The following MAGI2 variants were observed in gnomAD, a reference collection of about 807,000 sequenced individuals.
MAGI2 encodes the protein membrane associated guanylate kinase, WW and PDZ domain containing 2.
A neutral mutation model predicts 133.3 loss-of-function variants in MAGI2; 35 were observed. The observed-to-expected ratio is 0.26, with a 90% CI of 0.20 to 0.35. MAGI2 has a LOEUF of 0.35. Ranked by LOEUF, MAGI2 falls within the 10% of genes least tolerant of loss-of-function variation. The pLI is 1.00. For missense variants in MAGI2, 1,636 were observed against 1,863.4 expected, an observed-to-expected ratio of 0.88 and a Z score of 2.25; for synonymous variants, 729 against 710.6, an observed-to-expected ratio of 1.03 and a Z score of -0.41.
At chr7:78,064,507 G>A (rs532438721) in intron 21 of MAGI2, among the ~76,000 whole-genome samples, 1 of 152,234 alleles carries the variant, frequency 6.6e-6, no homozygotes, top group East Asian at 1.9e-4. Context: ...ATTAACAATT[G>A]GAAAATATGT....
intron 9 of MAGI2, among the ~76,000 whole-genome samples, chr7:78,299,856 AAATT>A (rs1486832131): frequency 2.0e-5 from 3 of 152,146 alleles, no homozygotes; most frequent in African/African-American, 7.2e-5. Context: ...AAAATGGCAA[AAATT>A]AATTTAATAC....
intron 6 of MAGI2, among the ~76,000 whole-genome samples, chr7:78,381,336 A>G (rs979810058): frequency 4.0e-5 from 6 of 148,780 alleles, no homozygotes; most frequent in Non-Finnish European, 7.5e-5. Context: ...GACATATAAG[A>G]CTCTGTCTCA....
chr7:78,649,395 T>C (rs1313102289), intron 2 of MAGI2, among the ~76,000 whole-genome samples: 3 of 151,994 alleles, frequency 2.0e-5, no homozygotes, highest in Admixed American at 6.6e-5. Context: ...AGAATTGCTT[T>C]TGGATTCAGT....
chr7:78,790,901 T>A (rs1201289514), intron 2 of MAGI2, among the ~76,000 whole-genome samples: 1 of 152,208 alleles, frequency 6.6e-6, no homozygotes, highest in Non-Finnish European at 1.5e-5. Flanking sequence ...AGGAATAAAG[T>A]GACTTGCCCA....
At chr7:78,665,542 CT>C (rs1813463049) in intron 2 of MAGI2, among the ~76,000 whole-genome samples, 4 of 152,116 alleles carry the variant, frequency 2.6e-5, no homozygotes, top group African/African-American at 7.2e-5. Context: ...AATTTCTTTT[CT>C]AATCTTTCTG....
At chr7:78,944,320 T>C (rs533977644) in intron 2 of MAGI2, among the ~76,000 whole-genome samples, 11 of 152,292 alleles carry the variant, frequency 7.2e-5, no homozygotes, top group African/African-American at 2.6e-4. Flanking sequence ...GCTTCAGGCC[T>C]TTCAGTGGCT....
chr7:78,392,588 C>T (rs545784178), intron 6 of MAGI2, among the ~76,000 whole-genome samples: 1 of 152,132 alleles, frequency 6.6e-6, no homozygotes, highest in Non-Finnish European at 1.5e-5. Context: ...AGAGGAACAA[C>T]ATAATTGCTA....
chr7:78,534,939 C>A (rs1355854240), intron 3 of MAGI2, among the ~76,000 whole-genome samples: 1 of 152,122 alleles, frequency 6.6e-6, no homozygotes, highest in Non-Finnish European at 1.5e-5. Context: ...TCAAGACCAG[C>A]CTGGCCAAGA....
At chr7:78,271,682 G>T (rs1350208439) in intron 9 of MAGI2, among the ~76,000 whole-genome samples, 1 of 152,104 alleles carries the variant, frequency 6.6e-6, no homozygotes, top group African/African-American at 2.4e-5. Flanking sequence ...TTTAGTCTTA[G>T]GATGGTGTAT....
At chr7:78,853,643 A>G (rs979393972) in intron 2 of MAGI2, among the ~76,000 whole-genome samples, 4 of 152,052 alleles carry the variant, frequency 2.6e-5, no homozygotes, top group African/African-American at 7.2e-5. Context: ...GGCGTAAGCC[A>G]CCATGTCTGG....
chr7:79,367,552 T>C (rs908575146), intron 1 of MAGI2, among the ~76,000 whole-genome samples: 4 of 152,052 alleles, frequency 2.6e-5, no homozygotes, highest in African/African-American at 9.7e-5. Flanking sequence ...TTAAGTCAAT[T>C]TATCTAAACC....
At chr7:79,225,137 G>A (rs982619557) in intron 1 of MAGI2, among the ~76,000 whole-genome samples, 7 of 152,098 alleles carry the variant, frequency 4.6e-5, no homozygotes, top group African/African-American at 1.7e-4. Flanking sequence ...TCAATTCCAT[G>A]CTAGGCTGTG....
intron 9 of MAGI2, among the ~76,000 whole-genome samples, chr7:78,258,761 C>T (rs1028393690): frequency 3.9e-5 from 6 of 151,990 alleles, no homozygotes; most frequent in African/African-American, 1.4e-4. Context: ...GATACTTGTG[C>T]CTCTAGTTGA....
intron 2 of MAGI2, among the ~76,000 whole-genome samples, chr7:78,830,686 G>T (rs1791068175): frequency 6.6e-6 from 1 of 152,116 alleles, no homozygotes; most frequent in Admixed American, 6.5e-5. Context: ...GGGAGTGAGG[G>T]GTAGCTTGGA....
intron 6 of MAGI2, among the ~76,000 whole-genome samples, chr7:78,448,016 AG>A (rs1014275055): frequency 7.2e-5 from 11 of 152,226 alleles, no homozygotes; most frequent in African/African-American, 2.6e-4. Context: ...TAGATCACAC[AG>A]GTGATTTGTC....
intron 1 of MAGI2, among the ~76,000 whole-genome samples, chr7:79,013,126 C>T (rs1808342664): frequency 6.6e-6 from 1 of 152,062 alleles, no homozygotes; most frequent in African/African-American, 2.4e-5. Flanking sequence ...TTTTATGCTT[C>T]CCTATAAAAT....
chr7:78,195,743 T>C (rs1828667627), intron 11 of MAGI2, among the ~76,000 whole-genome samples: 3 of 152,192 alleles, frequency 2.0e-5, no homozygotes, highest in Non-Finnish European at 2.9e-5. Flanking sequence ...TTCTTTCACA[T>C]ACGTGATCTT....
At chr7:78,509,400 T>C (rs574754539) in intron 4 of MAGI2, 11 of 152,332 alleles carry the variant, frequency 7.2e-5, no homozygotes, top group African/African-American at 2.6e-4. Context: ...TCATCTTGCC[T>C]GCCCTGAGGG....
intron 6 of MAGI2, among the ~76,000 whole-genome samples, chr7:78,398,285 T>C (rs1285105550): frequency 6.6e-6 from 1 of 152,058 alleles, no homozygotes; most frequent in Admixed American, 6.5e-5. Context: ...GGTGAACTCA[T>C]GCGGCTTTTT....
Sources: allele counts gnomAD v4.1 joint callset (sites outside exome capture counted in the v4.1 genomes callset), GRCh38; gene constraint gnomAD v4.1.1; transcripts MANE v1.5; gene names NCBI Gene and HGNC (gene_info 2026-07-23, HGNC 2026-07-21).